Variants in CSMD1 observed in about 807,000 individuals in gnomAD.
CSMD1 encodes CUB and Sushi multiple domains 1.
CSMD1 carries 213 observed loss-of-function variants against 417.5 expected under a neutral mutation model. The ratio of observed to expected loss-of-function variants is 0.51; its 90% CI spans 0.46 to 0.57. The LOEUF (loss-of-function observed/expected upper bound fraction) is 0.57. Ranked by LOEUF, CSMD1 falls within the 20% of genes least tolerant of loss-of-function variation. The pLI is 0.00. For synonymous variants in CSMD1, 2,862 were observed against 1,736.8 expected, an observed-to-expected ratio of 1.65 and a Z score of -16.11; for missense variants, 6,923 against 4,529.7, an observed-to-expected ratio of 1.53 and a Z score of -15.17.
intron 7 of CSMD1, among the ~76,000 whole-genome samples, chr8:3,658,880 T>C (rs1319810183): frequency 2.0e-5 from 3 of 152,238 alleles, no homozygotes; most frequent in Non-Finnish European, 4.4e-5. Flanking sequence ...ATGTTTCGAA[T>C]GCCTTCTGTT....
chr8:3,944,523 G>T (rs1353014015), intron 5 of CSMD1, among the ~76,000 whole-genome samples: 2 of 152,016 alleles, frequency 1.3e-5, no homozygotes, highest in African/African-American at 4.8e-5. Flanking sequence ...CAGAGTTTGA[G>T]TTTTAATTAC....
At chr8:3,186,771 G>A (rs1821786407) in intron 36 of CSMD1, among the ~76,000 whole-genome samples, 1 of 152,242 alleles carries the variant, frequency 6.6e-6, no homozygotes, top group Non-Finnish European at 1.5e-5. Flanking sequence ...GCTACTGCAA[G>A]CAAGAAGGGA....
chr8:4,082,218 C>T (rs1042581835), intron 3 of CSMD1, among the ~76,000 whole-genome samples: 1 of 152,006 alleles, frequency 6.6e-6, no homozygotes. Context: ...AAAATTATGA[C>T]CACACAGGTA....
chr8:4,748,527 G>A (rs79364625), intron 1 of CSMD1, among the ~76,000 whole-genome samples: 8 of 152,246 alleles, frequency 5.3e-5, no homozygotes, highest in East Asian at 3.9e-4. Context: ...GTAACTGTTC[G>A]TGAAACGGTA....
At chr8:3,488,531 A>G (rs898286550) in intron 11 of CSMD1, among the ~76,000 whole-genome samples, 1 of 152,184 alleles carries the variant, frequency 6.6e-6, no homozygotes, top group Non-Finnish European at 1.5e-5. Flanking sequence ...TAGCACTCTT[A>G]CTATTAATAA....
At chr8:4,890,833 G>T (rs1804071387) in intron 1 of CSMD1, among the ~76,000 whole-genome samples, 1 of 152,144 alleles carries the variant, frequency 6.6e-6, no homozygotes, top group African/African-American at 2.4e-5. Flanking sequence ...TAAGATGTGT[G>T]TTTGCTTTAG....
intron 3 of CSMD1, among the ~76,000 whole-genome samples, chr8:4,371,089 G>A (rs1164703793): frequency 2.0e-5 from 3 of 152,152 alleles, no homozygotes; most frequent in South Asian, 4.1e-4. Flanking sequence ...TTCTTTAGAT[G>A]GGGCATTTTG....
intron 3 of CSMD1, among the ~76,000 whole-genome samples, chr8:4,381,493 C>T (rs939219631): frequency 1.3e-5 from 2 of 152,120 alleles, no homozygotes; most frequent in South Asian, 2.1e-4. Flanking sequence ...ACTGGCAGGC[C>T]TATAATTTGG....
rs982125525 is a variant in CSMD1 at position 3,767,404 on chromosome 8, A to T, written c.819-13362T>A. Among the ~76,000 whole-genome samples, 39 of 152,252 alleles carry T rather than the reference A, an allele frequency of 2.6e-4. 1 individual carries two copies. Among genetic ancestry groups the T allele is most frequent in the Admixed American group, 5.2e-4 (8 of 15,290 alleles). ...CTCAGGCCTTTACTCAGCCCTCCTAAACCTCAGAATTGTTCATTGTGTGAA... is the reference window on the plus strand; with the variant it reads ...CTCAGGCCTTTACTCAGCCCTCCTATACCTCAGAATTGTTCATTGTGTGAA... On this transcript the variant is annotated intron_variant, in intron 5 of 69. Coordinates refer to ENST00000635120, the MANE Select transcript of CSMD1 (RefSeq NM_033225.6).
chr8:3,959,926 C>T (rs1445535188), intron 5 of CSMD1, among the ~76,000 whole-genome samples: 1 of 152,160 alleles, frequency 6.6e-6, no homozygotes, highest in East Asian at 1.9e-4. Context: ...TTCCCTGAAG[C>T]CCTGTACTAG....
intron 26 of CSMD1, among the ~76,000 whole-genome samples, chr8:3,263,417 C>A (rs563572863): frequency 2.6e-5 from 4 of 152,162 alleles, no homozygotes; most frequent in African/African-American, 9.7e-5. Context: ...TCCACTGTTA[C>A]AGTTGTATTC....
rs539697459 is a variant in CSMD1 at position 3,204,670 on chromosome 8, G to A, written c.4984+834C>T. Reference sequence around the variant, plus strand: ...ACATCAAATATCTTTCTTGTCACATGTTAAAAATGCTTTATCTCAAATACG... The same window carrying A: ...ACATCAAATATCTTTCTTGTCACATATTAAAAATGCTTTATCTCAAATACG... On this transcript the variant is annotated intron_variant, in intron 31 of 69. Transcript: ENST00000635120. Among the ~76,000 whole-genome samples the A allele has an allele frequency of 6.6e-5, 10 of 152,292 alleles. No individual in the cohort carries two copies. In the East Asian group the frequency reaches 1.9e-3, roughly 29 times the overall value.
At chr8:4,096,571 T>A (rs1368201594) in intron 3 of CSMD1, among the ~76,000 whole-genome samples, 1 of 152,006 alleles carries the variant, frequency 6.6e-6, no homozygotes, top group African/African-American at 2.4e-5. Context: ...TGCACGCCAC[T>A]AAGGATACCT....
At chr8:3,423,997 T>G (rs769198530) in intron 12 of CSMD1, among the ~76,000 whole-genome samples, 1 of 152,186 alleles carries the variant, frequency 6.6e-6, no homozygotes, top group Non-Finnish European at 1.5e-5. Context: ...TCTTTGTTGG[T>G]GAAAAAGTGG....
chr8:3,396,119 G>C, intron 17 of CSMD1, 75 bp downstream of exon 17: 1 of 1,309,890 alleles, frequency 7.6e-7, no homozygotes, highest in South Asian at 1.3e-5. Context: ...TCTGCAGGCT[G>C]GAAATAAGAA....
At chr8:3,704,437 T>C (rs1315666190) in intron 7 of CSMD1, among the ~76,000 whole-genome samples, 2 of 152,132 alleles carry the variant, frequency 1.3e-5, no homozygotes, top group Non-Finnish European at 2.9e-5. Context: ...AGAGAAGTGG[T>C]ACTTTGTACT....
intron 26 of CSMD1, among the ~76,000 whole-genome samples, chr8:3,267,549 G>C (rs62505006): frequency 1.3e-5 from 2 of 152,142 alleles, no homozygotes; most frequent in Admixed American, 1.3e-4. Context: ...CTGGGCCAGG[G>C]AGCTTCCAGC....
intron 5 of CSMD1, among the ~76,000 whole-genome samples, chr8:3,763,959 A>C (rs1277171019): frequency 6.6e-6 from 1 of 152,146 alleles, no homozygotes; most frequent in Non-Finnish European, 1.5e-5. Context: ...CTTGCCCTAG[A>C]AACGTCCTCA....
intron 2 of CSMD1, among the ~76,000 whole-genome samples, chr8:4,488,863 A>G (rs146895732): frequency 2.8e-4 from 42 of 152,292 alleles, no homozygotes; most frequent in African/African-American, 9.9e-4. Context: ...CTTATGATAA[A>G]ACGACAGAAA....
Sources: allele counts gnomAD v4.1 joint callset (sites outside exome capture counted in the v4.1 genomes callset), GRCh38; gene constraint gnomAD v4.1.1; transcripts MANE v1.5; gene names NCBI Gene and HGNC (gene_info 2026-07-23, HGNC 2026-07-21).